The following CTBP2 variants were observed in gnomAD, a reference collection of about 807,000 sequenced individuals.
CTBP2 encodes the protein C-terminal-binding protein 2.
A neutral mutation model predicts 80.3 loss-of-function variants in CTBP2; 30 were observed. The ratio of observed to expected loss-of-function variants is 0.37; its 90% CI spans 0.28 to 0.51. The LOEUF is 0.51. CTBP2 is among the 20% of genes least tolerant of loss of function. The probability of loss-of-function intolerance (pLI) is 0.93; values close to 1 mark genes in which losing one functional copy is unlikely to be tolerated. For synonymous variants in CTBP2, 594 were observed against 587.4 expected (o/e 1.01, Z -0.16); for missense variants, 1,212 against 1,375.3 (o/e 0.88, Z 1.88).
At chr10:125,153,513 C>T (rs532052883) in intron 1 of CTBP2, among the ~76,000 whole-genome samples, 1 of 152,196 alleles carries the variant, frequency 6.6e-6, no homozygotes, top group African/African-American at 2.4e-5. Context: ...AAACTCCTGG[C>T]CTTTCACCCC....
At chr10:125,122,271 G>C (rs1269828697) in intron 1 of CTBP2, among the ~76,000 whole-genome samples, 1 of 152,206 alleles carries the variant, frequency 6.6e-6, no homozygotes, top group Admixed American at 6.5e-5. Context: ...ATGTTCATGA[G>C]GGTAGCAATT....
intron 2 of CTBP2, among the ~76,000 whole-genome samples, chr10:125,109,291 G>A (rs572975171): frequency 6.6e-6 from 1 of 152,242 alleles, no homozygotes; most frequent in Non-Finnish European, 1.5e-5. Flanking sequence ...CTGGGTGAAA[G>A]AGCGTGGATG....
At chr10:125,064,292 T>A (rs1312606418) in intron 2 of CTBP2, among the ~76,000 whole-genome samples, 4 of 152,206 alleles carry the variant, frequency 2.6e-5, no homozygotes, top group Admixed American at 1.3e-4. Context: ...TGGATTGATC[T>A]TTTTCTAATC....
At chr10:125,104,091 T>A (rs1851070157) in intron 2 of CTBP2, among the ~76,000 whole-genome samples, 1 of 152,194 alleles carries the variant, frequency 6.6e-6, no homozygotes, top group Non-Finnish European at 1.5e-5. Context: ...AATTCTCGTT[T>A]TCCACAAATC....
At chr10:125,062,147 C>G (rs1965089445) in intron 2 of CTBP2, among the ~76,000 whole-genome samples, 2 of 152,140 alleles carry the variant, frequency 1.3e-5, no homozygotes, top group Non-Finnish European at 2.9e-5. Flanking sequence ...CCAGCGGACT[C>G]AAAACGGTGC....
chr10:125,010,110 G>A lies in CTBP2; in HGVS notation c.1679-6618C>T, dbSNP rs776143279. ...CAGGCATCTCCCCTCTGCCTTTCACGAGAAGGACCACAGGAGCAGGGTGCT... is the reference window on the plus strand; with the variant it reads ...CAGGCATCTCCCCTCTGCCTTTCACAAGAAGGACCACAGGAGCAGGGTGCT... On this transcript the variant is annotated intron_variant, in intron 1 of 8. Coordinates refer to ENST00000309035, the MANE Select transcript of CTBP2 (RefSeq NM_022802.3). Among the ~76,000 whole-genome samples the A allele has an allele frequency of 1.4e-4, 21 of 151,386 alleles. No individual in the cohort carries two copies. In the South Asian group the frequency reaches 2.3e-3, roughly 17 times the overall value.
rs1268218741 is a variant in CTBP2 at position 125,070,225 on chromosome 10, C to T, written c.-101-31070G>A. 2.0e-5 allele frequency among the ~76,000 whole-genome samples: 3 copies of T among 152,114 alleles called. No individual in the cohort carries two copies. The East Asian group carries it at 5.8e-4, about 29-fold the overall frequency. ...AATTAGCCAGGTGTGGTGGCACGTG[C>T]CTGCAGGCCCAGATACTTGGGAGGC... On this transcript the variant is annotated intron_variant, in intron 2 of 10. Coordinates refer to the CTBP2 transcript ENST00000337195.
intron 1 of CTBP2, among the ~76,000 whole-genome samples, chr10:125,022,271 T>C (rs773105109): frequency 2.0e-4 from 30 of 152,216 alleles, no homozygotes; most frequent in Non-Finnish European, 3.7e-4. Context: ...CTCCAGGTGC[T>C]CCACAGGCCC....
chr10:125,141,365 C>T (rs114474222), intron 1 of CTBP2, among the ~76,000 whole-genome samples: 2,981 of 152,194 alleles, frequency 0.02, 91 homozygotes, highest in African/African-American at 0.067. Flanking sequence ...GAAAGTGGAG[C>T]CCAGGACTGC....
intron 1 of CTBP2, among the ~76,000 whole-genome samples, chr10:125,149,142 T>C (rs1859351445): frequency 6.6e-6 from 1 of 152,000 alleles, no homozygotes; most frequent in Non-Finnish European, 1.5e-5. Context: ...GGACACACCA[T>C]AGACACGACA....
chr10:124,994,704 C>G, intron 4 of CTBP2, 21 bp from the exon 7 acceptor site: 1 of 1,612,892 alleles, frequency 6.2e-7, no homozygotes, highest in Non-Finnish European at 8.5e-7. Flanking sequence ...ACAGAGCGTC[C>G]AGGTGAGTGA....
chr10:125,059,833 G>C (rs1488932390), intron 2 of CTBP2, among the ~76,000 whole-genome samples: 1 of 152,072 alleles, frequency 6.6e-6, no homozygotes, highest in Non-Finnish European at 1.5e-5. Context: ...GCGTTTGTCT[G>C]GATTCACTGG....
At chr10:125,090,241 T>A (rs1480562280) in intron 2 of CTBP2, among the ~76,000 whole-genome samples, 22 of 134,146 alleles carry the variant, frequency 1.6e-4, no homozygotes, top group Admixed American at 8.0e-5. Context: ...TGAGCCGAGA[T>A]CATGCCACTG....
At chr10:124,999,965 A>G (rs1954221033) in intron 3 of CTBP2, 1 of 152,212 alleles carries the variant, frequency 6.6e-6, no homozygotes, top group Admixed American at 6.5e-5. Flanking sequence ...TGGCGTCAAC[A>G]GCAGCACCTC....
intron 1 of CTBP2, among the ~76,000 whole-genome samples, chr10:125,111,604 C>T (rs1479041075): frequency 1.3e-5 from 2 of 152,182 alleles, no homozygotes; most frequent in Non-Finnish European, 2.9e-5. Context: ...TAACTTACTA[C>T]TGAAATTGAT....
intron 2 of CTBP2, among the ~76,000 whole-genome samples, chr10:125,102,317 C>T (rs1850757805): frequency 6.6e-6 from 1 of 152,252 alleles, no homozygotes; most frequent in South Asian, 2.1e-4. Context: ...ATTACCTTCC[C>T]CTTGCAAACA....
chr10:125,061,935 A>G (rs548049861), intron 2 of CTBP2, among the ~76,000 whole-genome samples: 5 of 152,292 alleles, frequency 3.3e-5, no homozygotes, highest in African/African-American at 1.2e-4. Flanking sequence ...ATCTAAAATG[A>G]CTAAACAGAG....
chr10:124,997,131 A>T (rs1444998807), intron 4 of CTBP2: 1 of 152,242 alleles, frequency 6.6e-6, no homozygotes, highest in Non-Finnish European at 1.5e-5. Flanking sequence ...GGAGGCCAGA[A>T]CATTACTGGC....
chr10:125,090,618 C>T (rs1225305945), intron 2 of CTBP2, among the ~76,000 whole-genome samples: 4 of 152,020 alleles, frequency 2.6e-5, no homozygotes, highest in African/African-American at 9.7e-5. Flanking sequence ...TAAAGATTAG[C>T]TGGGCATGGT....
Sources: allele counts gnomAD v4.1 joint callset (sites outside exome capture counted in the v4.1 genomes callset), GRCh38; gene constraint gnomAD v4.1.1; transcripts MANE v1.5; gene names NCBI Gene and HGNC (gene_info 2026-07-23, HGNC 2026-07-21).